The following RFX4 variants were observed in gnomAD, a reference collection of about 807,000 sequenced individuals.
RFX4 encodes regulatory factor X4.
A neutral mutation model predicts 95.0 loss-of-function variants in RFX4; 10 were observed. That is an observed-to-expected ratio of 0.11 (90% confidence interval 0.06 to 0.18). The LOEUF (loss-of-function observed/expected upper bound fraction) is 0.18, where lower values mean the gene tolerates loss of function less well. RFX4 is among the 10% of genes least tolerant of loss of function. The pLI, the probability that RFX4 is intolerant of heterozygous loss-of-function variation, is 1.00. For missense variants in RFX4, 640 were observed against 922.0 expected, an observed-to-expected ratio of 0.69 and a Z score of 3.96; for synonymous variants, 321 against 340.7, an observed-to-expected ratio of 0.94 and a Z score of 0.64.
intron 3 of RFX4, among the ~76,000 whole-genome samples, chr12:106,648,297 G>C (rs1418290989): frequency 6.6e-6 from 1 of 152,130 alleles, no homozygotes; most frequent in African/African-American, 2.4e-5. Flanking sequence ...GTGGGTGGAA[G>C]GTGACAAGGT....
Position 106,719,941 on chromosome 12 carries a change from G to T in RFX4, c.1139-19G>T. The T allele has an allele frequency of 6.3e-7, 1 of 1,596,740 alleles. No homozygotes were observed. The highest frequency in any genetic ancestry group is 8.6e-7 in the Non-Finnish European group (1 of 1,164,316). The stretch of plus-strand genomic sequence containing the variant: ...ATACAACTGCAGTGATGCGTGTGGG[G>T]TTCTCCTTTGTTTGACAGTATATCA... On this transcript the variant is annotated intron_variant, in intron 11 of 17. Transcript: ENST00000392842.
intron 13 of RFX4, among the ~76,000 whole-genome samples, chr12:106,723,758 T>C (rs962070660): frequency 2.6e-5 from 4 of 152,122 alleles, no homozygotes; most frequent in Admixed American, 1.3e-4. Flanking sequence ...ATCTGCTAAA[T>C]TGCAGGACCT....
Position 106,732,914 on chromosome 12 carries a change from C to G in RFX4, c.1472-10C>G. 6.2e-7 allele frequency: 1 copy of G among 1,612,300 alleles called. No individual in the cohort carries two copies. Among genetic ancestry groups the G allele is most frequent in the Non-Finnish European group, 8.5e-7 (1 of 1,178,622 alleles). On this transcript the variant is annotated splice_polypyrimidine_tract_variant and intron_variant, in intron 14 of 17. Coordinates refer to ENST00000392842, the MANE Select transcript of RFX4 (RefSeq NM_213594.3). ...TTGGTTTTAAAAACTTACCCTATCT[C>G]TATCCACAGCAGAAGTCCGAGAAGA...
At chr12:106,692,359 C>T (rs1232930002) in intron 7 of RFX4, among the ~76,000 whole-genome samples, 1 of 152,060 alleles carries the variant, frequency 6.6e-6, no homozygotes, top group African/African-American at 2.4e-5. Context: ...AATAATTATA[C>T]CTATCTCATA....
At chr12:106,749,190 A>C (rs1378764107) in intron 16 of RFX4, among the ~76,000 whole-genome samples, 1 of 145,014 alleles carries the variant, frequency 6.9e-6, no homozygotes, top group Non-Finnish European at 1.5e-5. Flanking sequence ...CAGGAGGCGG[A>C]GGTTGCAGTA....
chr12:106,686,908 G>C lies in RFX4; in HGVS notation c.402G>C (p.Val134=), dbSNP rs2041665236. The C allele has an allele frequency of 6.2e-7, 1 of 1,612,926 alleles. No homozygotes were observed. Among genetic ancestry groups the C allele is most frequent in the African/African-American group, 1.3e-5 (1 of 74,520 alleles). The change falls in exon 6 of 18, where the codon GTG becomes GTC. Residue 134 remains valine, a synonymous_variant. Transcript: ENST00000392842. ...GGTACCATTACTATGGCATTGCAGTGAAAGAAAGCTCCCAATATTATGATG... is the reference window on the plus strand; with the variant it reads ...GGTACCATTACTATGGCATTGCAGTCAAAGAAAGCTCCCAATATTATGATG... ...QSKYHYYGIA[V]KESSQYYDVM...
At chr12:106,620,111 C>T (rs1175178542) in intron 2 of RFX4, among the ~76,000 whole-genome samples, 1 of 152,140 alleles carries the variant, frequency 6.6e-6, no homozygotes, top group Non-Finnish European at 1.5e-5. Flanking sequence ...TATTATCTGG[C>T]TATTTCTTGG....
chr12:106,719,938 G>A (rs2042365353), intron 11 of RFX4, 22 bp from the exon 12 acceptor site: 1 of 1,585,464 alleles, frequency 6.3e-7, no homozygotes, highest in Non-Finnish European at 8.7e-7. Context: ...TGATGCGTGT[G>A]GGGTTCTCCT....
chr12:106,751,716 T>G (rs2043009735), intron 17 of RFX4, among the ~76,000 whole-genome samples: 1 of 152,152 alleles, frequency 6.6e-6, no homozygotes, highest in Non-Finnish European at 1.5e-5. Context: ...CATGTGTTTT[T>G]TGGCTGCACA....
At chr12:106,630,174 C>T (rs2040390974) in intron 2 of RFX4, among the ~76,000 whole-genome samples, 1 of 151,962 alleles carries the variant, frequency 6.6e-6, no homozygotes, top group African/African-American at 2.4e-5. Context: ...CAGATGAGAC[C>T]ATTGTCTGTG....
chr12:106,687,745 A>C (rs1018347077), intron 6 of RFX4, among the ~76,000 whole-genome samples: 4 of 152,032 alleles, frequency 2.6e-5, no homozygotes, highest in Non-Finnish European at 5.9e-5. Flanking sequence ...CTAAAATAAA[A>C]TTTGCTCTGT....
At chr12:106,674,108 C>T (rs2041344706) in intron 4 of RFX4, among the ~76,000 whole-genome samples, 1 of 152,228 alleles carries the variant, frequency 6.6e-6, no homozygotes, top group African/African-American at 2.4e-5. Context: ...ACTCCCTCGC[C>T]CACTGGCTCT....
chr12:106,592,690 T>A (rs1252696898), intron 1 of RFX4, among the ~76,000 whole-genome samples: 1 of 152,110 alleles, frequency 6.6e-6, no homozygotes, highest in Non-Finnish European at 1.5e-5. Context: ...GAGCCATTTT[T>A]ACACTTGGTT....
At chr12:106,646,431 C>CAAAAAAA (rs56305939) in intron 3 of RFX4, among the ~76,000 whole-genome samples, 4 of 66,250 alleles carry the variant, frequency 6.0e-5, no homozygotes, top group Admixed American at 2.1e-4. Flanking sequence ...TAGTTTTATC[C>CAAAAAAA]AAAAAAAAAA....
intron 15 of RFX4, among the ~76,000 whole-genome samples, chr12:106,746,756 A>G (rs922371976): frequency 2.0e-5 from 3 of 152,192 alleles, no homozygotes; most frequent in Non-Finnish European, 2.9e-5. Context: ...TGTTTGCTTA[A>G]AGCAATTTGT....
At chr12:106,601,681 G>A (rs1251032266) in intron 1 of RFX4, among the ~76,000 whole-genome samples, 1 of 152,210 alleles carries the variant, frequency 6.6e-6, no homozygotes, top group African/African-American at 2.4e-5. Context: ...GAACACCACG[G>A]CTGGCTCCCA....
intron 4 of RFX4, among the ~76,000 whole-genome samples, chr12:106,666,189 T>C (rs564475568): frequency 2.0e-5 from 3 of 152,204 alleles, no homozygotes; most frequent in Admixed American, 6.5e-5. Context: ...CTCAATACTT[T>C]AAATATTTCA....
intron 1 of RFX4, among the ~76,000 whole-genome samples, chr12:106,591,121 C>G (rs566197326): frequency 2.0e-5 from 3 of 152,130 alleles, no homozygotes; most frequent in Admixed American, 2.0e-4. Flanking sequence ...GCTGTATGGA[C>G]AATCTCTTCT....
At chr12:106,715,628 C>A (rs2042273244) in intron 11 of RFX4, 84 bp downstream of exon 11, 2 of 1,474,288 alleles carry the variant, frequency 1.4e-6, no homozygotes, top group Admixed American at 3.6e-5. Context: ...GAAGTGGCAT[C>A]CCCACCCTGT....
Sources: allele counts gnomAD v4.1 joint callset (sites outside exome capture counted in the v4.1 genomes callset), GRCh38; gene constraint gnomAD v4.1.1; transcripts MANE v1.5; gene names NCBI Gene and HGNC (gene_info 2026-07-23, HGNC 2026-07-21).